CNTLN: variants seen among roughly 807,000 people sequenced by gnomAD.
The protein encoded by CNTLN is centlein, centrosomal protein.
CNTLN carries 212 observed loss-of-function variants against 180.0 expected under a neutral mutation model. The observed-to-expected ratio is 1.18, with a 90% CI of 1.05 to 1.32. The LOEUF is 1.32. Ranked by LOEUF, CNTLN falls within the 40% of genes most tolerant of loss-of-function variation. The pLI is 0.00. For synonymous variants in CNTLN, 722 were observed against 563.1 expected (o/e 1.28, Z -3.99); for missense variants, 2,095 against 1,610.9 (o/e 1.30, Z -5.14).
At chr9:17,528,521 A>G in the CNTLN span, among the ~76,000 whole-genome samples, 2 of 152,378 alleles carry the variant, frequency 1.3e-5, 1 homozygote, top group Non-Finnish European at 2.9e-5. Context: ...GACACTGAGG[A>G]GATATGACAA....
intron 5 of CNTLN, among the ~76,000 whole-genome samples, chr9:17,267,720 T>C (rs1459002218): frequency 6.6e-6 from 1 of 152,214 alleles, no homozygotes; most frequent in Non-Finnish European, 1.5e-5. Context: ...CCATATTTCT[T>C]GGAGGCTTTG....
intron 2 of CNTLN, among the ~76,000 whole-genome samples, chr9:17,201,354 G>A (rs959409766): frequency 2.6e-5 from 4 of 152,202 alleles, no homozygotes; most frequent in African/African-American, 9.7e-5. Flanking sequence ...CTCATAAAAT[G>A]AGTTAGGGAG....
At chr9:17,366,884 A>G (rs931459017) in intron 13 of CNTLN, among the ~76,000 whole-genome samples, 167 bp downstream of exon 13, 1 of 152,222 alleles carries the variant, frequency 6.6e-6, no homozygotes, top group Admixed American at 6.5e-5. Flanking sequence ...TTAAATAAAT[A>G]GAACATCTAA....
chr9:17,201,221 T>G (rs1822502711), intron 2 of CNTLN, among the ~76,000 whole-genome samples: 1 of 152,230 alleles, frequency 6.6e-6, no homozygotes, highest in Non-Finnish European at 1.5e-5. Context: ...GATGTGCTGC[T>G]GTATTCAGTT....
At chr9:17,198,551 T>C (rs1164509398) in intron 2 of CNTLN, among the ~76,000 whole-genome samples, 1 of 150,788 alleles carries the variant, frequency 6.6e-6, no homozygotes, top group African/African-American at 2.4e-5. Flanking sequence ...TTTTTTTTTT[T>C]TAGATTATTT....
chr9:17,298,782 G>T, intron 7 of CNTLN: 1 of 986,694 alleles, frequency 1.0e-6, no homozygotes. Flanking sequence ...TGCTGAGGAG[G>T]GCTTTAGGAT....
intron 2 of CNTLN, among the ~76,000 whole-genome samples, chr9:17,182,999 G>A (rs1369223921): frequency 2.0e-5 from 3 of 152,158 alleles, no homozygotes; most frequent in Admixed American, 2.0e-4. Context: ...GGAGGTCTGT[G>A]TCTTCAAAGT....
At chr9:17,321,558 G>C (rs979038387) in intron 8 of CNTLN, among the ~76,000 whole-genome samples, 1 of 152,134 alleles carries the variant, frequency 6.6e-6, no homozygotes, top group African/African-American at 2.4e-5. Flanking sequence ...ACATTTGGAA[G>C]GGTATATCTA....
At chr9:17,253,758 A>AT (rs1258917552) in intron 5 of CNTLN, among the ~76,000 whole-genome samples, 3 of 108,914 alleles carry the variant, frequency 2.8e-5, no homozygotes, top group African/African-American at 8.8e-5. Flanking sequence ...TGTCTTTTCT[A>AT]TTGTTTTTTT....
chr9:17,301,842 C>G (rs1818377730), intron 7 of CNTLN: 1 of 977,218 alleles, frequency 1.0e-6, no homozygotes, highest in East Asian at 1.1e-4. Context: ...ATACTGTGAA[C>G]ATTTTGAATA....
intron 1 of CNTLN, among the ~76,000 whole-genome samples, chr9:17,139,209 T>C (rs1172081698): frequency 6.6e-6 from 1 of 151,966 alleles, no homozygotes; most frequent in Non-Finnish European, 1.5e-5. Flanking sequence ...TGCCTCAGCC[T>C]CCTGAGTAGC....
intron 12 of CNTLN, among the ~76,000 whole-genome samples, chr9:17,365,555 G>C (rs559985708): frequency 6.6e-5 from 10 of 152,242 alleles, no homozygotes; most frequent in Non-Finnish European, 1.2e-4. Context: ...CTGTTTTACT[G>C]GAAAGTCTTT....
At chr9:17,495,919 C>T (rs920003726) in intron 25 of CNTLN, among the ~76,000 whole-genome samples, 2 of 152,148 alleles carry the variant, frequency 1.3e-5, no homozygotes, top group African/African-American at 4.8e-5. Flanking sequence ...AGTACAGTAA[C>T]ATGCAGTAAC....
chr9:17,403,849 C>T (rs936188464), intron 15 of CNTLN, among the ~76,000 whole-genome samples: 1 of 151,778 alleles, frequency 6.6e-6, no homozygotes, highest in Non-Finnish European at 1.5e-5. Flanking sequence ...GATCCTGGCT[C>T]ACTGCAACCT....
chr9:17,481,095 C>T (rs543671696), intron 23 of CNTLN, among the ~76,000 whole-genome samples: 2 of 152,216 alleles, frequency 1.3e-5, no homozygotes, highest in African/African-American at 2.4e-5. Context: ...GGCAGGGAGC[C>T]GCACCACAGT....
At chr9:17,449,281 C>A (rs1343447827) in intron 18 of CNTLN, among the ~76,000 whole-genome samples, 3 of 151,954 alleles carry the variant, frequency 2.0e-5, no homozygotes, top group Non-Finnish European at 4.4e-5. Flanking sequence ...CCCCCCACCC[C>A]ACAACAGTCC....
Position 17,319,817 on chromosome 9 carries a change from A to G in CNTLN, c.1341+10565A>G, listed in dbSNP as rs567588229. 2.0e-5 allele frequency among the ~76,000 whole-genome samples: 3 copies of G among 151,774 alleles called. No homozygotes were observed. In the East Asian group the frequency reaches 5.8e-4, roughly 29 times the overall value. ...TTTTTTTTTTCTTATATTGGTGGGG[A>G]TTTATCTTTCCTTTCTCCTATCTCA... On this transcript the variant is annotated intron_variant, in intron 8 of 25. Coordinates refer to ENST00000380647, the MANE Select transcript of CNTLN (RefSeq NM_017738.4).
chr9:17,236,305 G>C, intron 4 of CNTLN, 104 bp from the exon 5 acceptor site: 1 of 937,788 alleles, frequency 1.1e-6, no homozygotes, highest in Non-Finnish European at 1.5e-6. Flanking sequence ...GCTTCTGTGA[G>C]GGTAAAACTG....
chr9:17,404,197 G>C (rs1335906278), intron 15 of CNTLN, among the ~76,000 whole-genome samples: 2 of 151,772 alleles, frequency 1.3e-5, no homozygotes, highest in Non-Finnish European at 2.9e-5. Flanking sequence ...ATGATCAATA[G>C]GCTCCGTTAT....
Sources: allele counts gnomAD v4.1 joint callset (sites outside exome capture counted in the v4.1 genomes callset), GRCh38; gene constraint gnomAD v4.1.1; transcripts MANE v1.5; gene names NCBI Gene and HGNC (gene_info 2026-07-23, HGNC 2026-07-21).